The following LINGO2 variants were observed in gnomAD, a reference collection of about 807,000 sequenced individuals.
LINGO2 encodes the protein leucine rich repeat and Ig domain containing 2.
In LINGO2, 14 loss-of-function variants were observed where a neutral mutation model predicts 30.6. That is an observed-to-expected ratio of 0.46 (90% CI 0.30 to 0.72). LINGO2 has a LOEUF of 0.72. Ranked by LOEUF, LINGO2 falls within the 30% of genes least tolerant of loss-of-function variation. The pLI is 0.07. For synonymous variants in LINGO2, 317 were observed against 288.5 expected, an observed-to-expected ratio of 1.10 and a Z score of -1.00; for missense variants, 729 against 751.7, an observed-to-expected ratio of 0.97 and a Z score of 0.35.
At chr9:28,698,207 C>T in the LINGO2 span, among the ~76,000 whole-genome samples, 3 of 151,994 alleles carry the variant, frequency 2.0e-5, no homozygotes, top group Non-Finnish European at 2.9e-5. Context: ...TTTACTTACA[C>T]GATAAAAATT....
chr9:28,729,957 G>T, the LINGO2 span, among the ~76,000 whole-genome samples: 1 of 151,722 alleles, frequency 6.6e-6, no homozygotes, highest in Non-Finnish European at 1.5e-5. Context: ...GGGAAACAGG[G>T]TCACATACAA....
intron 1 of LINGO2, among the ~76,000 whole-genome samples, chr9:28,665,181 A>C (rs1828751160): frequency 6.6e-6 from 1 of 151,790 alleles, no homozygotes; most frequent in African/African-American, 2.4e-5. Context: ...GACATTTATC[A>C]AGAGTGTTAA....
At chr9:28,334,680 T>C (rs1825531953) in intron 3 of LINGO2, among the ~76,000 whole-genome samples, 1 of 152,142 alleles carries the variant, frequency 6.6e-6, no homozygotes, top group African/African-American at 2.4e-5. Flanking sequence ...ACTGGAACCA[T>C]GAAACAGTGG....
chr9:28,384,024 AAAAT>A (rs1217843886), intron 2 of LINGO2, among the ~76,000 whole-genome samples: 1 of 152,058 alleles, frequency 6.6e-6, no homozygotes, highest in Admixed American at 6.6e-5. Context: ...CATTTTCACT[AAAAT>A]AAAACATTAC....
At chr9:29,022,880 A>G in the LINGO2 span, among the ~76,000 whole-genome samples, 1 of 151,974 alleles carries the variant, frequency 6.6e-6, no homozygotes, top group South Asian at 2.1e-4. Flanking sequence ...CTCCATATCT[A>G]GCATGTTATC....
At chr9:29,140,595 G>A in the LINGO2 span, among the ~76,000 whole-genome samples, 1 of 148,246 alleles carries the variant, frequency 6.7e-6, no homozygotes, top group Non-Finnish European at 1.5e-5. Context: ...AAGGGAAAGG[G>A]GAAGAAAACT....
At chr9:28,982,780 T>A in the LINGO2 span, among the ~76,000 whole-genome samples, 5 of 152,034 alleles carry the variant, frequency 3.3e-5, no homozygotes, top group Admixed American at 3.3e-4. Flanking sequence ...ATAAGCATTA[T>A]AATATCTTGG....
At chr9:28,216,269 G>T (rs1413549510) in intron 4 of LINGO2, among the ~76,000 whole-genome samples, 5 of 151,908 alleles carry the variant, frequency 3.3e-5, no homozygotes, top group Non-Finnish European at 5.9e-5. Flanking sequence ...TCAGGATTTT[G>T]CAGATGACAT....
At chr9:28,659,056 G>GT (rs1828480170) in intron 1 of LINGO2, among the ~76,000 whole-genome samples, 1 of 151,968 alleles carries the variant, frequency 6.6e-6, no homozygotes, top group African/African-American at 2.4e-5. Context: ...TTTGCTTTAG[G>GT]TCTAAAATTA....
chr9:28,988,801 G>T, the LINGO2 span, among the ~76,000 whole-genome samples: 3 of 152,214 alleles, frequency 2.0e-5, no homozygotes, highest in South Asian at 2.1e-4. Context: ...AGTGGGACTG[G>T]TGGCACAGTT....
At chr9:28,697,231 T>G in the LINGO2 span, among the ~76,000 whole-genome samples, 1 of 151,980 alleles carries the variant, frequency 6.6e-6, no homozygotes, top group Non-Finnish European at 1.5e-5. Context: ...TCCCTAGCTC[T>G]GCCCTCATTT....
intron 2 of LINGO2, among the ~76,000 whole-genome samples, chr9:28,472,590 T>C (rs529753485): frequency 6.6e-6 from 1 of 152,212 alleles, no homozygotes; most frequent in African/African-American, 2.4e-5. Context: ...ATATTTAGAT[T>C]AAAAAAACCC....
chr9:28,038,062 T>C (rs1304543364), intron 4 of LINGO2, among the ~76,000 whole-genome samples: 1 of 152,250 alleles, frequency 6.6e-6, no homozygotes, highest in African/African-American at 2.4e-5. Flanking sequence ...TCAACCACCA[T>C]ACCACTTTTT....
At chr9:28,047,896 A>T (rs1243766852) in intron 4 of LINGO2, among the ~76,000 whole-genome samples, 2 of 150,944 alleles carry the variant, frequency 1.3e-5, no homozygotes, top group East Asian at 3.9e-4. Flanking sequence ...TGTTCACCCC[A>T]GGGAAATTTA....
At chr9:28,322,637 C>A (rs1825088771) in intron 3 of LINGO2, among the ~76,000 whole-genome samples, 1 of 152,222 alleles carries the variant, frequency 6.6e-6, no homozygotes, top group African/African-American at 2.4e-5. Flanking sequence ...GGATCCAAGG[C>A]CAGGCTCTTA....
chr9:29,000,181 C>T, the LINGO2 span, among the ~76,000 whole-genome samples: 69 of 151,980 alleles, frequency 4.5e-4, no homozygotes, highest in Middle Eastern at 3.4e-3. Context: ...AAGTATTCTT[C>T]GGCATGGCCC....
At chr9:29,031,230 A>AACATT in the LINGO2 span, among the ~76,000 whole-genome samples, 1 of 149,274 alleles carries the variant, frequency 6.7e-6, no homozygotes, top group Non-Finnish European at 1.5e-5. Flanking sequence ...TGTTTGTAAT[A>AACATT]GCACATAGTA....
intron 4 of LINGO2, among the ~76,000 whole-genome samples, chr9:28,137,826 T>C (rs1014416295): frequency 6.6e-6 from 1 of 152,162 alleles, no homozygotes; most frequent in African/African-American, 2.4e-5. Flanking sequence ...TATTTTGGTA[T>C]ACCTTTAGTT....
chr9:28,944,156 T>C, the LINGO2 span, among the ~76,000 whole-genome samples: 1 of 152,216 alleles, frequency 6.6e-6, no homozygotes, highest in Non-Finnish European at 1.5e-5. Context: ...TTTGTCTGTA[T>C]GATACAAGCT....
Sources: gnomAD v4.1 joint callset for allele counts (sites outside exome capture counted in the v4.1 genomes callset) on GRCh38, gnomAD v4.1.1 for gene constraint, MANE v1.5 for transcripts, NCBI Gene and HGNC (gene_info 2026-07-23, HGNC 2026-07-21) for gene names.